AGAP6: variants seen among roughly 807,000 people sequenced by gnomAD.
AGAP6 encodes arf-GAP with GTPase, ANK repeat and PH domain-containing protein 6.
In AGAP6, 29 loss-of-function variants were observed where a neutral mutation model predicts 63.9. The observed-to-expected ratio is 0.45, with a 90% confidence interval of 0.34 to 0.62. The LOEUF is 0.62. Among genes scored for constraint, AGAP6 ranks in the 20% least tolerant of loss-of-function variants. The pLI is 0.01. For synonymous variants in AGAP6, 199 were observed against 332.9 expected (o/e 0.60, Z 4.38); for missense variants, 493 against 884.9 (o/e 0.56, Z 5.62).
At chr10:49,998,089 G>A in intron 4 of AGAP6, among the ~76,000 whole-genome samples, 1 of 124,364 alleles carries the variant, frequency 8.0e-6, no homozygotes, top group African/African-American at 3.2e-5. Flanking sequence ...TTTTGTAATT[G>A]TAATTTGTTT....
chr10:49,995,613 A>G, intron 4 of AGAP6, among the ~76,000 whole-genome samples: 1 of 151,946 alleles, frequency 6.6e-6, no homozygotes, highest in Middle Eastern at 3.2e-3. Flanking sequence ...GATATGCTCG[A>G]TGTCTGCTTT....
In AGAP6 at chr10:49,989,340, T is replaced by A. The variant is rs548071716; in HGVS notation, c.256T>A (p.Ser86Thr). Residue 86 changes from serine (S) to threonine (T), a missense_variant, in exon 2 of 8, where the codon TCA becomes ACA. By Grantham distance (58) the Ser-to-Thr change is moderately conservative. Transcript: ENST00000412531. The stretch of plus-strand genomic sequence containing the variant: ...GTTTAACCTTTCTGCCAATCCAGAG[T>A]CAAGCACAATATTCCAGAGGAACTC... ...LEFNLSANPE[S>T]STIFQRNSQT... 2 of 1,597,122 alleles carry A rather than the reference T, an allele frequency of 1.3e-6. No individual in the cohort carries two copies. Among genetic ancestry groups the A allele is most frequent in the Non-Finnish European group, 1.7e-6 (2 of 1,179,672 alleles).
rs1841275911 is a variant in AGAP6, at chr10:49,991,457, T to G, written c.293-219T>G. Among the ~76,000 whole-genome samples the G allele has an allele frequency of 2.0e-5, 3 of 149,214 alleles. No homozygotes were observed. In the South Asian group the frequency reaches 6.5e-4, roughly 32 times the overall value. ...TCTTGCTGGCCTCAACTTCCTGACC[T>G]GGGTTCAAGTGATTTTCCCATCTCA... On this transcript the variant is annotated intron_variant, in intron 2 of 7. Coordinates refer to ENST00000412531, the MANE Select transcript of AGAP6 (RefSeq NM_001077665.3).
At chr10:49,999,268 T>TC (rs1554862593) in intron 4 of AGAP6, among the ~76,000 whole-genome samples, 11 of 132,058 alleles carry the variant, frequency 8.3e-5, no homozygotes, top group African/African-American at 3.2e-4. Flanking sequence ...TCCACCATGA[T>TC]CAAATGGGTT....
chr10:49,995,952 G>A (rs1318314957), intron 4 of AGAP6, among the ~76,000 whole-genome samples: 53 of 152,128 alleles, frequency 3.5e-4, no homozygotes, highest in African/African-American at 1.2e-3. Flanking sequence ...CTCTCTCTAA[G>A]GTTCTGAAAT....
At chr10:49,990,623 T>C (rs1841233171) in intron 2 of AGAP6, among the ~76,000 whole-genome samples, 1 of 152,170 alleles carries the variant, frequency 6.6e-6, no homozygotes, top group African/African-American at 2.4e-5. Context: ...GAATAAAAAC[T>C]GAAATTTTCA....
chr10:49,995,449 G>A (rs1554861749), intron 4 of AGAP6, among the ~76,000 whole-genome samples: 2 of 152,116 alleles, frequency 1.3e-5, no homozygotes, highest in Non-Finnish European at 2.9e-5. Flanking sequence ...TTTTCTAACA[G>A]CTGTTTTTCC....
rs1161228973 is a variant in AGAP6, at chr10:50,010,496, T to A, written c.*310T>A. The A allele has an allele frequency of 1.7e-6, 1 of 597,226 alleles. No individual in the cohort carries two copies. Among genetic ancestry groups the A allele is most frequent in the Non-Finnish European group, 2.8e-6 (1 of 352,458 alleles). The allele number at this position is 597,226 out of a possible 1,614,324, so 37.0% of individuals were successfully genotyped here. On this transcript the variant is annotated 3_prime_UTR_variant, in exon 8 of 8. Coordinates refer to ENST00000412531, the MANE Select transcript of AGAP6 (RefSeq NM_001077665.3). ...TTGAAATAAAGTTCATAAATATGCATTGATTTTTGTACACATGGCACCTCT... is the reference window on the plus strand; with the variant it reads ...TTGAAATAAAGTTCATAAATATGCAATGATTTTTGTACACATGGCACCTCT...
intron 6 of AGAP6, among the ~76,000 whole-genome samples, chr10:50,005,500 A>G (rs1841883185): frequency 6.6e-6 from 1 of 152,186 alleles, no homozygotes; most frequent in South Asian, 2.1e-4. Context: ...AGTCCCACCT[A>G]TTCTGGAGGC....
At chr10:49,997,372 G>A (rs61848266) in intron 4 of AGAP6, among the ~76,000 whole-genome samples, 3 of 152,242 alleles carry the variant, frequency 2.0e-5, no homozygotes, top group South Asian at 2.1e-4. Context: ...GGTGGCATGC[G>A]CCTTTCGTAT....
At chr10:50,001,724 G>A (rs1165059773) in intron 4 of AGAP6, among the ~76,000 whole-genome samples, 7 of 129,008 alleles carry the variant, frequency 5.4e-5, no homozygotes, top group African/African-American at 1.4e-4. Context: ...CCGCGAAGCC[G>A]ACTTTTCCCA....
At position 50,009,383 on chromosome 10, in the gene AGAP6, A is replaced by G; in HGVS notation, c.1258A>G (p.Thr420Ala). 1 of 1,614,156 alleles carries G rather than the reference A, an allele frequency of 6.2e-7. No homozygotes were observed. The highest frequency in any genetic ancestry group is 8.5e-7 in the Non-Finnish European group (1 of 1,180,048). ...NFMIVSATGQTWHFEATTYEE... is the reference protein window; with the variant it reads ...NFMIVSATGQAWHFEATTYEE... ...TATGATTGTGTCTGCCACTGGCCAA[A>G]CGTGGCACTTTGAAGCCACGACGTA... The change falls in exon 8 of 8, where the codon ACG becomes GCG. Residue 420 changes from threonine (T) to alanine (A), a missense_variant. Physicochemically the swap from Thr to Ala is moderately conservative, Grantham distance 58. Around this residue, in one of 7 missense-constraint regions of AGAP6, gnomAD observed 342 missense variants for 533.4 expected, o/e 0.64. Transcript: ENST00000412531.
chr10:49,997,993 T>C (rs1589093732), intron 4 of AGAP6, among the ~76,000 whole-genome samples: 1 of 17,276 alleles, frequency 5.8e-5, no homozygotes, highest in Non-Finnish European at 6.1e-4. Context: ...GAATTCCTCA[T>C]ATATATATAT....
intron 4 of AGAP6, 104 bp from the exon 5 acceptor site, chr10:50,001,892 G>T: frequency 8.3e-7 from 1 of 1,200,748 alleles, no homozygotes; most frequent in Non-Finnish European, 1.2e-6. Flanking sequence ...CACTCAGGCA[G>T]TTCATGGAGT....
At chr10:49,991,827 CAT>C in intron 3 of AGAP6, 83 bp downstream of exon 3, 2 of 1,572,412 alleles carry the variant, frequency 1.3e-6, no homozygotes, top group Non-Finnish European at 1.7e-6. Context: ...TAGAAAAACT[CAT>C]ATTGGTTTAA....
chr10:50,003,545 T>A (rs1453654159), intron 5 of AGAP6, among the ~76,000 whole-genome samples: 2 of 152,192 alleles, frequency 1.3e-5, no homozygotes, highest in Non-Finnish European at 2.9e-5. Context: ...CCCAGCTCAG[T>A]CATTCCAAAC....
chr10:50,006,519 T>TG (rs1326474106), intron 6 of AGAP6, among the ~76,000 whole-genome samples: 2 of 152,200 alleles, frequency 1.3e-5, no homozygotes, highest in Non-Finnish European at 2.9e-5. Flanking sequence ...GGACCACAGA[T>TG]GTGTGGCACC....
At position 49,988,855 on chromosome 10, in the gene AGAP6, C is replaced by G. The variant is rs782748884; in HGVS notation, c.140C>G (p.Ala47Gly). ...RDRMAGAPMAAAVQPAEVTVE... is the reference protein window; with the variant it reads ...RDRMAGAPMAGAVQPAEVTVE... ...AGGATGGCAGGAGCGCCCATGGCTG[C>G]TGCTGTACAGCCTGCTGAGGTGACT... The change falls in exon 1 of 8, where the codon GCT becomes GGT. Residue 47 changes from alanine (A) to glycine (G), a missense_variant. By Grantham distance (60) the Ala-to-Gly change is moderately conservative. Coordinates refer to ENST00000412531, the MANE Select transcript of AGAP6 (RefSeq NM_001077665.3). 4.1e-5 allele frequency: 66 copies of G among 1,598,798 alleles called. No individual in the cohort carries two copies. The highest frequency in any genetic ancestry group is 5.4e-5 in the Non-Finnish European group (64 of 1,179,604).
chr10:49,990,388 T>C (rs1289098484), intron 2 of AGAP6, among the ~76,000 whole-genome samples: 1 of 152,160 alleles, frequency 6.6e-6, no homozygotes, highest in Non-Finnish European at 1.5e-5. Flanking sequence ...GAGGTTGCAG[T>C]GAGCAGAGAT....
Sources: gnomAD v4.1 joint callset for allele counts (sites outside exome capture counted in the v4.1 genomes callset) on GRCh38, gnomAD v4.1.1 for gene constraint, gnomAD v4.1.1 regional missense constraint, MANE v1.5 for transcripts, NCBI Gene and HGNC (gene_info 2026-07-23, HGNC 2026-07-21) for gene names.